The following PAICS variants were observed in gnomAD, a reference collection of about 807,000 sequenced individuals.
PAICS encodes the protein phosphoribosylaminoimidazole carboxylase and phosphoribosylaminoimidazolesuccinocarboxamide synthase.
PAICS carries 33 observed loss-of-function variants against 53.7 expected under a neutral mutation model. The ratio of observed to expected loss-of-function variants is 0.61; its 90% CI spans 0.47 to 0.82. The LOEUF is 0.82. PAICS is among the 40% of genes least tolerant of loss of function. The probability of loss-of-function intolerance (pLI) is 0.00; values close to 1 mark genes in which losing one functional copy is unlikely to be tolerated. For synonymous variants in PAICS, 141 were observed against 167.2 expected (o/e 0.84, Z 1.21); for missense variants, 394 against 494.1 (o/e 0.80, Z 1.92).
chr4:56,430,779 AAT>A (rs1717541982), upstream of PAICS, among the ~76,000 whole-genome samples: 2 of 151,774 alleles, frequency 1.3e-5, no homozygotes, highest in African/African-American at 4.8e-5. Flanking sequence ...TAGACCTTAC[AAT>A]ATATAAGTCT....
chr4:56,448,866 C>T (rs989966157), intron 5 of PAICS, 43 bp downstream of exon 5: 33 of 1,044,304 alleles, frequency 3.2e-5, no homozygotes, highest in Non-Finnish European at 4.5e-5. Context: ...TGAGATCAAG[C>T]TGAGATAGAG....
At chr4:56,418,209 TGGAGGTTCACTTGAACCTG>T in the PAICS span, among the ~76,000 whole-genome samples, 2 of 152,188 alleles carry the variant, frequency 1.3e-5, no homozygotes, top group South Asian at 2.1e-4. Flanking sequence ...CCAGCTACTC[TGGAGGTTCACTTGAACCTG>T]GGAGGTTCAG....
chr4:56,451,690 C>T (rs763603831), intron 6 of PAICS, among the ~76,000 whole-genome samples, 182 bp from the exon 7 acceptor site: 2 of 152,048 alleles, frequency 1.3e-5, no homozygotes, highest in Non-Finnish European at 2.9e-5. Flanking sequence ...ATGAAGACCA[C>T]TTTCCTTTAT....
Position 56,440,029 on chromosome 4 carries a change from G to A in PAICS, c.17-1634G>A, listed in dbSNP as rs551970323. Among the ~76,000 whole-genome samples, 307 of 152,306 alleles carry A rather than the reference G, an allele frequency of 2.0e-3. 1 individual carries two copies. The highest frequency in any genetic ancestry group is 3.6e-3 in the Non-Finnish European group (246 of 68,030). On this transcript the variant is annotated intron_variant, in intron 1 of 8. Coordinates refer to ENST00000512576, the MANE Select transcript of PAICS (RefSeq NM_001079524.2). ...TCCCTTCATTGTCCATACAGAAGCC[G>A]TAATGATCTTTCCAAATAGCGTTTT...
intron 1 of PAICS, among the ~76,000 whole-genome samples, chr4:56,436,774 C>T (rs1718003560): frequency 6.6e-6 from 1 of 152,172 alleles, no homozygotes; most frequent in Non-Finnish European, 1.5e-5. Flanking sequence ...GCGGGCGGAT[C>T]ACCTGAGGTC....
chr4:56,432,787 CA>C (rs5858378), upstream of PAICS, among the ~76,000 whole-genome samples: 24,423 of 82,282 alleles, frequency 0.3, 2,206 homozygotes, highest in Admixed American at 0.44. Flanking sequence ...GACTCTGTCT[CA>C]AAAAAAAAAA....
In PAICS at chr4:56,463,898, TTGAG is replaced by T. The variant is rs1291404643; in HGVS notation, c.*4362_*4365del. ...GAGACTAGCACTTGAATCAGTAGAC[TTGAG>T]TAAAGAAGACTGCCTTCACCCATGT... is the stretch of plus-strand genomic sequence containing the variant. On this transcript the variant is annotated 3_prime_UTR_variant, in exon 9 of 9. Transcript: ENST00000512576. 2 of 152,186 alleles carry T rather than the reference TTGAG, an allele frequency of 1.3e-5. No individual in the cohort carries two copies. The highest frequency in any genetic ancestry group is 4.8e-5 in the African/African-American group (2 of 41,456). 9.4% of individuals were successfully genotyped at this position (152,186 alleles called of 1,614,324 possible).
At chr4:56,414,801 G>A in the PAICS span, among the ~76,000 whole-genome samples, 1 of 152,236 alleles carries the variant, frequency 6.6e-6, no homozygotes, top group African/African-American at 2.4e-5. Flanking sequence ...CCTGGGCCCT[G>A]TTTCTCTAAA....
At chr4:56,452,810 G>A (rs1718984147) in intron 7 of PAICS, among the ~76,000 whole-genome samples, 1 of 152,140 alleles carries the variant, frequency 6.6e-6, no homozygotes, top group Non-Finnish European at 1.5e-5. Context: ...TAATGGTATA[G>A]CAGTGATCTA....
At position 56,460,194 on chromosome 4, in the gene PAICS, T is replaced by C. The variant is rs1350257108; in HGVS notation, c.*656T>C. On this transcript the variant is annotated 3_prime_UTR_variant, in exon 9 of 9. Coordinates refer to ENST00000512576, the MANE Select transcript of PAICS (RefSeq NM_001079524.2). ...GAGCCACTGTGCCTGTCTAGACTTG[T>C]ACTTTCAACTGTCCATTTCTCCCTG... 6.6e-6 allele frequency: 1 copy of C among 152,216 alleles called. No homozygotes were observed. Among genetic ancestry groups the C allele is most frequent in the African/African-American group, 2.4e-5 (1 of 41,434 alleles). 9.4% of individuals were successfully genotyped at this position (152,216 alleles called of 1,614,324 possible). A position where few individuals can be genotyped will look rare whatever the true frequency, so the allele number is the denominator to read the frequency against.
chr4:56,415,174 A>T, the PAICS span, among the ~76,000 whole-genome samples: 7 of 152,224 alleles, frequency 4.6e-5, no homozygotes, highest in Non-Finnish European at 8.8e-5. Context: ...TTGATATATT[A>T]ATGTAAAATA....
the PAICS span, among the ~76,000 whole-genome samples, chr4:56,428,051 CTAA>C: frequency 3.9e-5 from 6 of 152,170 alleles, no homozygotes; most frequent in Non-Finnish European, 8.8e-5. Flanking sequence ...AATTTTCTCA[CTAA>C]TAATGAGAAC....
In PAICS at chr4:56,436,264, T is replaced by A. The variant is rs894255781; in HGVS notation, c.-49T>A. 2.5e-6 allele frequency: 4 copies of A among 1,579,090 alleles called. No homozygotes were observed. The highest frequency in any genetic ancestry group is 3.4e-6 in the Non-Finnish European group (4 of 1,162,876). ...CTCTGACCACCCCTCTTTTCTAGAG[T>A]TCTGCCTCGCTTCCCGGCGCGGTCG... On this transcript the variant is annotated 5_prime_UTR_variant, in exon 1 of 9. Transcript: ENST00000512576.
rs1483993177 is a variant in PAICS at position 56,464,214 on chromosome 4, T to A, written c.*4676T>A. The A allele has an allele frequency of 6.6e-6, 1 of 152,192 alleles. No homozygotes were observed. Among genetic ancestry groups the A allele is most frequent in the Non-Finnish European group, 1.5e-5 (1 of 68,044 alleles). The allele number at this position is 152,192 out of a possible 1,614,324, so 9.4% of individuals were successfully genotyped here. ...TGTACATATCCTATTGGTTCTGTAT[T>A]TTTTAGAGAACAAATACAGCCTATT... On this transcript the variant is annotated 3_prime_UTR_variant, in exon 9 of 9. Coordinates refer to ENST00000512576, the MANE Select transcript of PAICS (RefSeq NM_001079524.2).
At chr4:56,412,290 C>T in the PAICS span, among the ~76,000 whole-genome samples, 1 of 151,648 alleles carries the variant, frequency 6.6e-6, no homozygotes, top group Non-Finnish European at 1.5e-5. Flanking sequence ...CAAAATCAAA[C>T]TCTCTATTCT....
rs779762217 is a variant in PAICS at position 56,453,746 on chromosome 4, C to T, written c.1096C>T (p.Leu366Phe). The change falls in exon 8 of 9, where the codon CTT becomes TTT. Residue 366 changes from leucine (L) to phenylalanine (F), a missense_variant. Physicochemically the swap from Leu to Phe is conservative, Grantham distance 22. Transcript: ENST00000512576. ...GGGAGTTCAGGATGTGTGGTCTTCT[C>T]TTCGACTACCCAGTGGTAAGATACA... ...DWGVQDVWSS[L>F]RLPSGLGCST... 107 of 1,545,820 alleles carry T rather than the reference C, an allele frequency of 6.9e-5. No individual in the cohort carries two copies. The highest frequency in any genetic ancestry group is 8.9e-5 in the Non-Finnish European group (102 of 1,142,164).
At chr4:56,435,865 C>T, upstream of PAICS, 2 of 1,486,148 alleles carry the variant, frequency 1.3e-6, no homozygotes. Context: ...CCTCATTTCT[C>T]TTTCAGAGCA....
At chr4:56,450,072 C>T (rs1306596050) in intron 5 of PAICS, among the ~76,000 whole-genome samples, 4 of 151,960 alleles carry the variant, frequency 2.6e-5, no homozygotes, top group African/African-American at 2.4e-5. Context: ...AACACAGGAA[C>T]GGAAAACCAA....
At chr4:56,420,981 C>T in the PAICS span, 1 of 152,200 alleles carries the variant, frequency 6.6e-6, no homozygotes, top group African/African-American at 2.4e-5. Flanking sequence ...CACCTGGACC[C>T]TTACTGGTCC....
Sources: allele counts gnomAD v4.1 joint callset (sites outside exome capture counted in the v4.1 genomes callset), GRCh38; gene constraint gnomAD v4.1.1; transcripts MANE v1.5; gene names NCBI Gene and HGNC (gene_info 2026-07-23, HGNC 2026-07-21).